LRRC49: variants seen among roughly 807,000 people sequenced by gnomAD.
The protein encoded by LRRC49 is leucine rich repeat containing 49, also known as leucine-rich repeat-containing protein 49.
LRRC49 carries 50 observed loss-of-function variants against 83.3 expected under a neutral mutation model. The observed-to-expected ratio is 0.60, with a 90% confidence interval of 0.48 to 0.76. LRRC49 has a LOEUF of 0.76. Ranked by LOEUF, LRRC49 falls within the 30% of genes least tolerant of loss-of-function variation. The pLI is 0.00. For missense variants in LRRC49, 704 were observed against 809.1 expected (o/e 0.87, Z 1.58); for synonymous variants, 286 against 283.3 (o/e 1.01, Z -0.10).
At chr15:70,957,542 A>T (rs1304820946) in intron 8 of LRRC49, among the ~76,000 whole-genome samples, 2 of 151,532 alleles carry the variant, frequency 1.3e-5, no homozygotes, top group Non-Finnish European at 2.9e-5. Context: ...CATTTTTTTC[A>T]TTCATTCACC....
chr15:70,894,265 T>A (rs572186630), intron 2 of LRRC49, among the ~76,000 whole-genome samples: 52 of 152,010 alleles, frequency 3.4e-4, no homozygotes, highest in African/African-American at 1.2e-3. Flanking sequence ...ATTGGGGAGG[T>A]TTTTTTTCTT....
chr15:70,969,849 G>A (rs939809076), intron 9 of LRRC49, among the ~76,000 whole-genome samples: 3 of 152,182 alleles, frequency 2.0e-5, no homozygotes, highest in African/African-American at 7.2e-5. Flanking sequence ...CTTTGCTGAA[G>A]TTGCTTATCA....
chr15:70,870,140 G>T (rs1219604537), intron 1 of LRRC49, among the ~76,000 whole-genome samples: 3 of 152,178 alleles, frequency 2.0e-5, no homozygotes, highest in African/African-American at 7.2e-5. Flanking sequence ...TTCTTTTTCT[G>T]TACTAAGCTA....
intron 14 of LRRC49, among the ~76,000 whole-genome samples, chr15:71,027,009 T>G (rs2039194773): frequency 1.3e-5 from 2 of 152,230 alleles, no homozygotes; most frequent in Non-Finnish European, 2.9e-5. Context: ...AGTCATGAAG[T>G]CTTTGCCCAT....
intron 8 of LRRC49, among the ~76,000 whole-genome samples, chr15:70,959,269 G>A (rs1284559204): frequency 1.3e-5 from 2 of 152,054 alleles, no homozygotes. Context: ...GAGGCGGGCG[G>A]ATCACCTGAG....
At chr15:70,908,341 C>G (rs1264155778) in intron 5 of LRRC49, among the ~76,000 whole-genome samples, 1 of 152,134 alleles carries the variant, frequency 6.6e-6, no homozygotes, top group Non-Finnish European at 1.5e-5. Context: ...AGATATTTCT[C>G]AAATCTGCCT....
chr15:70,912,458 A>C (rs2034587792), intron 6 of LRRC49, among the ~76,000 whole-genome samples: 1 of 152,000 alleles, frequency 6.6e-6, no homozygotes, highest in Non-Finnish European at 1.5e-5. Context: ...ACCAGTTTGT[A>C]CTCGTACCAC....
In LRRC49 at chr15:70,987,119, G is replaced by A. The variant is rs147255767; in HGVS notation, c.1169+2862G>A. Among the ~76,000 whole-genome samples the A allele has an allele frequency of 9.5e-3, 1,440 of 152,242 alleles. 19 individuals carry two copies. The highest frequency in any genetic ancestry group is 0.033 in the African/African-American group (1,381 of 41,514). On this transcript the variant is annotated intron_variant, in intron 11 of 15. Coordinates refer to ENST00000260382, the MANE Select transcript of LRRC49 (RefSeq NM_017691.5). The stretch of plus-strand genomic sequence containing the variant: ...CTCTTTTTTGGTTGTGTCTCTACCC[G>A]GCTTTGGTATCAGGATGATGCTGAC...
chr15:71,038,026 T>C (rs16955076), intron 15 of LRRC49, among the ~76,000 whole-genome samples: 2,963 of 152,166 alleles, frequency 0.019, 92 homozygotes, highest in African/African-American at 0.068. Context: ...TACAACGTTG[T>C]GACCCTTCAA....
chr15:70,884,552 AAAAG>A (rs1454405113), intron 2 of LRRC49, among the ~76,000 whole-genome samples: 2 of 152,152 alleles, frequency 1.3e-5, no homozygotes, highest in Non-Finnish European at 2.9e-5. Flanking sequence ...AGAAAAAAAA[AAAAG>A]AAAGAAACTT....
intron 2 of LRRC49, chr15:70,882,884 G>A: frequency 6.2e-7 from 1 of 1,613,954 alleles, no homozygotes; most frequent in Non-Finnish European, 8.5e-7. Context: ...GGTTGGGTTT[G>A]CACAAGTTCA....
At chr15:70,926,324 CT>C (rs1311734195) in intron 7 of LRRC49, among the ~76,000 whole-genome samples, 2 of 152,100 alleles carry the variant, frequency 1.3e-5, no homozygotes, top group Non-Finnish European at 2.9e-5. Flanking sequence ...ACTGATCCTC[CT>C]GCCTCAGTCT....
At chr15:71,016,283 A>C (rs1056108941) in intron 14 of LRRC49, among the ~76,000 whole-genome samples, 2 of 152,100 alleles carry the variant, frequency 1.3e-5, no homozygotes, top group African/African-American at 4.8e-5. Flanking sequence ...ATTAAAGAGG[A>C]AATAAAGCTA....
intron 2 of LRRC49, among the ~76,000 whole-genome samples, chr15:70,880,267 T>C (rs570287786): frequency 6.6e-6 from 1 of 152,334 alleles, no homozygotes; most frequent in African/African-American, 2.4e-5. Flanking sequence ...TAACATCTTC[T>C]CCTACTTTGT....
intron 8 of LRRC49, among the ~76,000 whole-genome samples, chr15:70,953,376 C>G (rs2141182829): frequency 6.6e-6 from 1 of 152,154 alleles, no homozygotes; most frequent in South Asian, 2.1e-4. Flanking sequence ...TTCATTTCTC[C>G]TTTGCTGATG....
chr15:70,882,968 C>G, intron 2 of LRRC49: 1 of 1,561,446 alleles, frequency 6.4e-7, no homozygotes, highest in Non-Finnish European at 8.7e-7. Context: ...TTTTATCTTT[C>G]AAAAGTTACA....
At position 70,936,813 on chromosome 15, in the gene LRRC49, A is replaced by C; in HGVS notation, c.764A>C (p.Asn255Thr). 3 of 1,607,118 alleles carry C rather than the reference A, an allele frequency of 1.9e-6. No individual in the cohort carries two copies. The highest frequency in any genetic ancestry group is 2.6e-6 in the Non-Finnish European group (3 of 1,173,956). Residue 255 changes from asparagine (N) to threonine (T), a missense_variant, in exon 8 of 16, where the codon AAT (asparagine) becomes ACT (threonine). This residue lies in a region of LRRC49 where 261 missense variants were observed against 330.5 expected (regional missense o/e 0.79). Transcript: ENST00000260382. ...CAACATCTCTTTCTCAGCTTTAACA[A>C]TATATCTAGGTAAGTGGAAACTCCC... ...CLQHLFLSFN[N>T]ISSFDSVSCL...
At chr15:71,047,815 C>T (rs569170457) in intron 15 of LRRC49, among the ~76,000 whole-genome samples, 7 of 152,200 alleles carry the variant, frequency 4.6e-5, no homozygotes, top group Admixed American at 2.0e-4. Flanking sequence ...CTTGCTCTGT[C>T]GCCCAGGCTG....
intron 8 of LRRC49, among the ~76,000 whole-genome samples, chr15:70,942,033 A>ATTTG (rs1340541101): frequency 2.4e-3 from 342 of 144,188 alleles, no homozygotes; most frequent in African/African-American, 8.4e-3. Flanking sequence ...TGTAAAGGTT[A>ATTTG]TGTGTGTGTG....
Sources: allele counts gnomAD v4.1 joint callset (sites outside exome capture counted in the v4.1 genomes callset), GRCh38; gene constraint gnomAD v4.1.1; regional missense constraint gnomAD v4.1.1; transcripts MANE v1.5; gene names NCBI Gene and HGNC (gene_info 2026-07-23, HGNC 2026-07-21).